Variants in IFT56 observed in about 807,000 individuals in gnomAD.
IFT56 encodes the protein intraflagellar transport protein 56.
chr7:139,144,521 A>G, the IFT56 span, among the ~76,000 whole-genome samples: 2 of 152,070 alleles, frequency 1.3e-5, no homozygotes, highest in East Asian at 1.9e-4. Context: ...TTTTTAATTA[A>G]AAGAATCCTT....
the IFT56 span, among the ~76,000 whole-genome samples, chr7:139,171,919 A>G: frequency 3.9e-5 from 6 of 152,220 alleles, no homozygotes; most frequent in East Asian, 1.2e-3. Flanking sequence ...AAAATCTCAA[A>G]CAAGAAACAC....
chr7:139,164,558 A>G, the IFT56 span, among the ~76,000 whole-genome samples: 5 of 152,212 alleles, frequency 3.3e-5, no homozygotes, highest in Non-Finnish European at 5.9e-5. Flanking sequence ...GTAGGTGTAT[A>G]TTGTTATAAT....
chr7:139,141,421 A>G, the IFT56 span, among the ~76,000 whole-genome samples: 2 of 152,114 alleles, frequency 1.3e-5, no homozygotes, highest in Admixed American at 1.3e-4. Flanking sequence ...GCCCACCACC[A>G]TGCCCAGCAA....
At chr7:139,142,822 AC>A in the IFT56 span, among the ~76,000 whole-genome samples, 1 of 152,146 alleles carries the variant, frequency 6.6e-6, no homozygotes, top group African/African-American at 2.4e-5. Context: ...ACAGCACGAG[AC>A]TGTGTCTCAA....
the IFT56 span, among the ~76,000 whole-genome samples, chr7:139,160,458 T>C: frequency 4.8e-4 from 72 of 150,366 alleles, 1 homozygote; most frequent in Non-Finnish European, 1.6e-4. Flanking sequence ...TTTGAGACAG[T>C]CTTGCTCTGT....
chr7:139,157,338 G>T, the IFT56 span, among the ~76,000 whole-genome samples: 2 of 150,850 alleles, frequency 1.3e-5, no homozygotes, highest in Non-Finnish European at 3.0e-5. Context: ...GTAGAGATGG[G>T]GTTTTACCAT....
the IFT56 span, among the ~76,000 whole-genome samples, chr7:139,155,209 C>A: frequency 6.6e-6 from 1 of 152,158 alleles, no homozygotes; most frequent in South Asian, 2.1e-4. Flanking sequence ...GGCTTTCTTG[C>A]AGATTTTGGG....
the IFT56 span, chr7:139,178,528 A>C: frequency 1.2e-6 from 2 of 1,614,108 alleles, no homozygotes; most frequent in South Asian, 2.2e-5. Flanking sequence ...TACTTCTATA[A>C]TGATGACATC....
the IFT56 span, among the ~76,000 whole-genome samples, chr7:139,157,744 G>A: frequency 2.0e-5 from 3 of 152,016 alleles, no homozygotes; most frequent in South Asian, 4.1e-4. Context: ...GGGCTCAAGC[G>A]ATCCGCCTGC....
the IFT56 span, chr7:139,133,865 G>A: frequency 1.2e-6 from 2 of 1,614,242 alleles, no homozygotes; most frequent in Non-Finnish European, 1.7e-6. Flanking sequence ...AAGATGGTTA[G>A]TGGCTCTGAA....
At chr7:139,158,397 A>G in the IFT56 span, among the ~76,000 whole-genome samples, 6 of 152,012 alleles carry the variant, frequency 3.9e-5, no homozygotes, top group African/African-American at 1.4e-4. Flanking sequence ...ATGATATTTC[A>G]TCATTAAGAA....
At chr7:139,188,276 T>A in the IFT56 span, among the ~76,000 whole-genome samples, 1 of 151,978 alleles carries the variant, frequency 6.6e-6, no homozygotes, top group Non-Finnish European at 1.5e-5. Flanking sequence ...AATTTTTGTA[T>A]TTTTAGTAGG....
the IFT56 span, among the ~76,000 whole-genome samples, chr7:139,186,376 T>A: frequency 1.9e-3 from 288 of 151,502 alleles, 1 homozygote; most frequent in African/African-American, 6.4e-3. Context: ...CAGTGAGTCA[T>A]GTTGGCACCA....
At chr7:139,141,604 T>C in the IFT56 span, among the ~76,000 whole-genome samples, 1 of 152,256 alleles carries the variant, frequency 6.6e-6, no homozygotes, top group Admixed American at 6.5e-5. Context: ...TCTATTTCCA[T>C]ATTTTTTTTC....
At chr7:139,187,517 A>T in the IFT56 span, 4 of 1,614,196 alleles carry the variant, frequency 2.5e-6, no homozygotes, top group Non-Finnish European at 3.4e-6. Context: ...TTTCCAGATG[A>T]TCATAGCTGG....
At chr7:139,189,222 C>T in the IFT56 span, 1 of 821,816 alleles carries the variant, frequency 1.2e-6, no homozygotes, top group South Asian at 2.1e-5. Context: ...CAAAAATGCC[C>T]TACAAGACAT....
the IFT56 span, chr7:139,169,225 T>C: frequency 7.4e-7 from 1 of 1,351,968 alleles, no homozygotes; most frequent in Non-Finnish European, 1.0e-6. Context: ...GTTAGAACCA[T>C]ATAGTATAAT....
At chr7:139,170,138 A>G in the IFT56 span, among the ~76,000 whole-genome samples, 2 of 152,240 alleles carry the variant, frequency 1.3e-5, no homozygotes, top group Admixed American at 1.3e-4. Flanking sequence ...CTAGACACAT[A>G]CAACCAACCA....
At chr7:139,145,003 G>A in the IFT56 span, among the ~76,000 whole-genome samples, 9 of 152,260 alleles carry the variant, frequency 5.9e-5, no homozygotes, top group African/African-American at 2.2e-4. Context: ...TTAAAATATA[G>A]AGAGATAATT....
Sources: gnomAD v4.1 joint callset for allele counts (sites outside exome capture counted in the v4.1 genomes callset) on GRCh38, gnomAD v4.1.1 for gene constraint, MANE v1.5 for transcripts, NCBI Gene and HGNC (gene_info 2026-07-23, HGNC 2026-07-21) for gene names.